Variants in ZFHX3 observed in about 807,000 individuals in gnomAD.
The protein encoded by ZFHX3 is zinc finger homeobox protein 3.
ZFHX3 carries 42 observed loss-of-function variants against 279.1 expected under a neutral mutation model. The observed-to-expected ratio is 0.15, with a 90% CI of 0.12 to 0.19. ZFHX3 has a LOEUF of 0.19. Among genes scored for constraint, ZFHX3 ranks in the 10% least tolerant of loss-of-function variants. The probability of loss-of-function intolerance (pLI) is 1.00; values close to 1 mark genes in which losing one functional copy is unlikely to be tolerated. For missense variants in ZFHX3, 4,981 were observed against 4,754.0 expected, an observed-to-expected ratio of 1.05 and a Z score of -1.40; for synonymous variants, 2,293 against 1,957.8, an observed-to-expected ratio of 1.17 and a Z score of -4.52.
intron 3 of ZFHX3, among the ~76,000 whole-genome samples, chr16:73,349,867 T>C (rs2016205480): frequency 7.2e-6 from 1 of 139,392 alleles, no homozygotes; most frequent in African/African-American, 2.9e-5. Context: ...CTTCCTTTCT[T>C]CCCCCTCCTC....
At chr16:73,858,911 C>G (rs1961809291) in intron 1 of ZFHX3, among the ~76,000 whole-genome samples, 1 of 152,154 alleles carries the variant, frequency 6.6e-6, no homozygotes, top group Non-Finnish European at 1.5e-5. Context: ...ATGAACTAAC[C>G]ACGCACCATC....
At chr16:73,215,634 A>G (rs2012177154) in intron 5 of ZFHX3, among the ~76,000 whole-genome samples, 1 of 152,084 alleles carries the variant, frequency 6.6e-6, no homozygotes, top group African/African-American at 2.4e-5. Flanking sequence ...CCCATACTCA[A>G]CGTATCACAA....
chr16:73,461,466 C>A (rs1157044250), intron 2 of ZFHX3, among the ~76,000 whole-genome samples: 1 of 152,108 alleles, frequency 6.6e-6, no homozygotes, highest in Non-Finnish European at 1.5e-5. Flanking sequence ...CTTTTGTAGT[C>A]CTAGATCCTG....
chr16:73,467,199 A>C (rs1438006402), intron 2 of ZFHX3, among the ~76,000 whole-genome samples: 2 of 152,252 alleles, frequency 1.3e-5, no homozygotes, highest in Non-Finnish European at 2.9e-5. Context: ...AGACCTATGG[A>C]GCTCACGGAA....
chr16:73,639,767 GTA>G (rs2052557996), intron 2 of ZFHX3, among the ~76,000 whole-genome samples: 1 of 151,984 alleles, frequency 6.6e-6, no homozygotes, highest in Non-Finnish European at 1.5e-5. Flanking sequence ...AGGAATAACA[GTA>G]AAAGACTAAA....
chr16:73,010,890 G>A (rs952185443), intron 1 of ZFHX3, among the ~76,000 whole-genome samples: 77 of 152,062 alleles, frequency 5.1e-4, no homozygotes, highest in African/African-American at 1.8e-3. Context: ...CTGCAGCCTC[G>A]AACTCCTGGG....
intron 1 of ZFHX3, among the ~76,000 whole-genome samples, chr16:73,822,322 G>C (rs1332083184): frequency 6.6e-6 from 1 of 152,164 alleles, no homozygotes; most frequent in African/African-American, 2.4e-5. Context: ...AGGCACGATA[G>C]TTCAGTCATA....
At chr16:73,605,987 T>A (rs943111038) in intron 2 of ZFHX3, among the ~76,000 whole-genome samples, 4 of 151,206 alleles carry the variant, frequency 2.6e-5, no homozygotes, top group African/African-American at 4.9e-5. Context: ...GATGAGACCA[T>A]CCTGGCTAAC....
chr16:73,774,927 C>G (rs2054059917), intron 1 of ZFHX3, among the ~76,000 whole-genome samples: 1 of 152,162 alleles, frequency 6.6e-6, no homozygotes, highest in African/African-American at 2.4e-5. Context: ...CTTCAAAATT[C>G]ATCTTACATC....
At position 72,862,892 on chromosome 16, in the gene ZFHX3, A is replaced by G. The variant is rs1462459836; in HGVS notation, c.3448+26839T>C. 1.3e-5 allele frequency among the ~76,000 whole-genome samples: 2 copies of G among 152,192 alleles called. 1 individual carries two copies. Among genetic ancestry groups the G allele is most frequent in the East Asian group, 3.9e-4 (2 of 5,188 alleles). The stretch of plus-strand genomic sequence containing the variant: ...GTAAAGAGACTTTAGAGACATATCA[A>G]TTCATGTAATGTGAACACCATGTTG... On this transcript the variant is annotated intron_variant, in intron 4 of 9. Transcript: ENST00000268489.
At position 72,957,444 on chromosome 16, in the gene ZFHX3, G is replaced by A. The variant is rs777824994; in HGVS notation, c.2702C>T (p.Ala901Val). The change falls in exon 2 of 10, where the codon GCC (alanine) becomes GTC (valine). Residue 901 changes from alanine (A) to valine (V), a missense_variant. Coordinates refer to ENST00000268489, the MANE Select transcript of ZFHX3 (RefSeq NM_006885.4). ...FQLDPAGPMA[A>V]MTPALVGGEI... is the part of the protein sequence containing the mutation. ...ATCCTCACCTAGAGCAGGCGTCATG[G>A]CGGCCATGGGCCCGGCGGGATCCAG... is the stretch of plus-strand genomic sequence containing the variant. 6.2e-7 allele frequency: 1 copy of A among 1,610,282 alleles called. No individual in the cohort carries two copies. The highest frequency in any genetic ancestry group is 8.5e-7 in the Non-Finnish European group (1 of 1,177,822).
chr16:73,875,350 G>A (rs996277740), intron 1 of ZFHX3, among the ~76,000 whole-genome samples: 1 of 152,182 alleles, frequency 6.6e-6, no homozygotes, highest in African/African-American at 2.4e-5. Context: ...TGGCTTCAAG[G>A]CACGTAAGGT....
chr16:73,513,738 T>C (rs565934697), intron 2 of ZFHX3, among the ~76,000 whole-genome samples: 14 of 152,026 alleles, frequency 9.2e-5, no homozygotes, highest in South Asian at 2.1e-4. Context: ...GATTGCAAGA[T>C]TGAAAAGGAG....
chr16:73,093,390 C>A, exon 8 of ZFHX3: 1 of 434,714 alleles, frequency 2.3e-6, no homozygotes. Flanking sequence ...AAAAGTCTGG[C>A]AGATGCAGAA....
intron 3 of ZFHX3, among the ~76,000 whole-genome samples, chr16:73,452,972 T>A (rs1000622381): frequency 3.9e-5 from 6 of 152,216 alleles, no homozygotes; most frequent in Admixed American, 2.0e-4. Context: ...ATCAATCATA[T>A]CCAGTCCTTC....
chr16:73,784,810 T>TACACACACAC (rs1329672942), intron 1 of ZFHX3, among the ~76,000 whole-genome samples: 19 of 137,828 alleles, frequency 1.4e-4, no homozygotes, highest in African/African-American at 4.6e-4. Context: ...TATATATATA[T>TACACACACAC]ATATATACAC....
At chr16:73,323,257 G>A (rs748400248) in intron 3 of ZFHX3, among the ~76,000 whole-genome samples, 5 of 152,132 alleles carry the variant, frequency 3.3e-5, no homozygotes, top group Admixed American at 1.3e-4. Flanking sequence ...TACAGGAAAA[G>A]GTGCAAAGGA....
intron 1 of ZFHX3, among the ~76,000 whole-genome samples, chr16:72,969,532 A>G (rs552426913): frequency 6.6e-6 from 1 of 152,166 alleles, no homozygotes; most frequent in East Asian, 1.9e-4. Flanking sequence ...GAACTCCAGC[A>G]GCCCCCAGAG....
At chr16:73,694,296 C>T (rs529382674) in intron 1 of ZFHX3, among the ~76,000 whole-genome samples, 44 of 152,278 alleles carry the variant, frequency 2.9e-4, no homozygotes, top group African/African-American at 1.1e-3. Flanking sequence ...GCATTCCAGC[C>T]TGGGCAGCAG....
Sources: allele counts gnomAD v4.1 joint callset (sites outside exome capture counted in the v4.1 genomes callset), GRCh38; gene constraint gnomAD v4.1.1; transcripts MANE v1.5; gene names NCBI Gene and HGNC (gene_info 2026-07-23, HGNC 2026-07-21).